The following INTS7 variants were observed in gnomAD, a reference collection of about 807,000 sequenced individuals.
INTS7 encodes the protein chromosome 1 open reading frame 73.
A neutral mutation model predicts 109.2 loss-of-function variants in INTS7; 46 were observed. The observed-to-expected ratio is 0.42, with a 90% CI of 0.33 to 0.54. The LOEUF is 0.54. INTS7 is among the 20% of genes least tolerant of loss of function. The pLI is 0.07. For synonymous variants in INTS7, 412 were observed against 402.9 expected (o/e 1.02, Z -0.27); for missense variants, 929 against 1,132.4 (o/e 0.82, Z 2.58).
chr1:211,978,223 C>T, intron 11 of INTS7, 49 bp downstream of exon 11: 1 of 1,605,816 alleles, frequency 6.2e-7, no homozygotes, highest in Non-Finnish European at 8.5e-7. Flanking sequence ...GTAATTCCCA[C>T]TAGACCAGAT....
intron 8 of INTS7, among the ~76,000 whole-genome samples, chr1:211,985,975 C>T (rs1271284342): frequency 6.6e-6 from 1 of 152,214 alleles, no homozygotes; most frequent in Admixed American, 6.5e-5. Flanking sequence ...ATAAAGAAGG[C>T]TGTGATAATT....
At chr1:211,972,029 GA>G (rs1236682527) in intron 13 of INTS7, among the ~76,000 whole-genome samples, 1 of 151,918 alleles carries the variant, frequency 6.6e-6, no homozygotes, top group African/African-American at 2.4e-5. Flanking sequence ...TTGTGGAAAG[GA>G]AACAGTATAC....
At chr1:212,014,161 G>T (rs971365267) in intron 4 of INTS7, among the ~76,000 whole-genome samples, 2 of 150,924 alleles carry the variant, frequency 1.3e-5, no homozygotes, top group Non-Finnish European at 2.9e-5. Context: ...AACTCTGAAG[G>T]TTTGATAAGA....
chr1:211,976,689 T>C lies in INTS7; in HGVS notation c.1501A>G (p.Ser501Gly). ...VSLATVIFVA[S>G]QKALSVESKA... ...CTTTCCACAGACAATGCCTTCTGAC[T>C]TGCAACAAAAATCACAGTAGCCAAA... Residue 501 changes from serine to glycine, a missense_variant, in exon 12 of 20, where the codon AGT becomes GGT. By Grantham distance (56) the Ser-to-Gly change is moderately conservative (BLOSUM62 0). Coordinates refer to ENST00000366994, the MANE Select transcript of INTS7 (RefSeq NM_015434.4). 1 of 1,614,008 alleles carries C rather than the reference T, an allele frequency of 6.2e-7. No individual in the cohort carries two copies. Among genetic ancestry groups the C allele is most frequent in the Non-Finnish European group, 8.5e-7 (1 of 1,179,924 alleles).
intron 12 of INTS7, among the ~76,000 whole-genome samples, chr1:211,976,298 C>T (rs191487080): frequency 6.6e-6 from 1 of 152,144 alleles, no homozygotes; most frequent in East Asian, 1.9e-4. Context: ...GGTAGGTGGC[C>T]TTGGTTATAA....
chr1:212,035,482 C>T lies in INTS7; in HGVS notation c.-45G>A, dbSNP rs201487314. ...CTAGCCTAGTCAGAAAGCTTGCAAA[C>T]TCTACCCCAGGACCGCCATCTTCCC... On this transcript the variant is annotated 5_prime_UTR_variant, in exon 1 of 20. Transcript: ENST00000366994. 7.1e-7 allele frequency: 1 copy of T among 1,406,222 alleles called. No homozygotes were observed. The highest frequency in any genetic ancestry group is 2.3e-5 in the East Asian group (1 of 43,886). 87.1% of individuals were successfully genotyped at this position (1,406,222 alleles called of 1,614,324 possible).
chr1:212,025,803 C>T (rs1666891581), intron 1 of INTS7: 1 of 152,076 alleles, frequency 6.6e-6, no homozygotes, highest in Admixed American at 6.6e-5. Flanking sequence ...ATTATGTCCT[C>T]ACAGGAATAA....
intron 12 of INTS7, 113 bp downstream of exon 12, chr1:211,976,467 TAA>T (rs1468394568): frequency 1.9e-5 from 18 of 930,374 alleles, no homozygotes. Flanking sequence ...AACCCATGAC[TAA>T]AAGGTACTTC....
rs764533461 is a variant in INTS7, at chr1:212,007,277, C to A, written c.729G>T (p.Ala243=). Residue 243 remains alanine (A), a synonymous_variant, in exon 6 of 20, where the codon GCG becomes GCT. Coordinates refer to ENST00000366994, the MANE Select transcript of INTS7 (RefSeq NM_015434.4). The part of the protein sequence containing the change: ...VSLHTFTLLA[A]SSLVDTPKQI... ...GCTTAGGTGTATCAACCAAAGATGA[C>A]GCTGCAAGCAGAGTGAAAGTGTGCA... 1 of 1,613,710 alleles carries A rather than the reference C, an allele frequency of 6.2e-7. No homozygotes were observed. The highest frequency in any genetic ancestry group is 1.1e-5 in the South Asian group (1 of 91,068).
At chr1:211,957,568 T>C (rs140017623) in intron 16 of INTS7, among the ~76,000 whole-genome samples, 2 of 152,158 alleles carry the variant, frequency 1.3e-5, no homozygotes, top group African/African-American at 2.4e-5. Context: ...AAAAATCGGA[T>C]TGTCGAGTTG....
intron 4 of INTS7, among the ~76,000 whole-genome samples, chr1:212,016,536 G>A (rs1320890435): frequency 2.6e-5 from 4 of 152,174 alleles, no homozygotes; most frequent in African/African-American, 9.7e-5. Context: ...AACATTAGAA[G>A]ACAGTAAGTA....
chr1:211,982,287 A>C (rs1664701084), intron 9 of INTS7, among the ~76,000 whole-genome samples: 1 of 152,180 alleles, frequency 6.6e-6, no homozygotes, highest in African/African-American at 2.4e-5. Flanking sequence ...TCTAGGTGAA[A>C]CTATTTGTTA....
chr1:212,020,811 GAC>G, intron 2 of INTS7: 1 of 848,296 alleles, frequency 1.2e-6, no homozygotes, highest in Non-Finnish European at 1.5e-6. Context: ...TCTGTACAAA[GAC>G]ACAGATTTTC....
intron 3 of INTS7, 38 bp from the exon 4 acceptor site, chr1:212,017,061 A>G (rs944395591): frequency 3.3e-6 from 5 of 1,528,630 alleles, no homozygotes; most frequent in Non-Finnish European, 3.5e-6. Flanking sequence ...TCGGGCATAA[A>G]ATAAAGTCAA....
intron 15 of INTS7, 66 bp from the exon 16 acceptor site, chr1:211,966,564 A>T: frequency 1.1e-6 from 1 of 945,338 alleles, no homozygotes; most frequent in South Asian, 1.4e-5. Flanking sequence ...CTATTACTTG[A>T]ATACTAAATT....
rs1664497105 is a variant in INTS7, at chr1:211,978,126, A to G, written c.1470+146T>C. The G allele has an allele frequency of 3.3e-6, 3 of 922,620 alleles. 1 individual carries two copies. The South Asian group carries it at 4.8e-5, about 15-fold the overall frequency. 57.2% of individuals were successfully genotyped at this position (922,620 alleles called of 1,614,324 possible). ...ATAAAGCCAATTCTATTTTGACATC[A>G]GCACACTCTTTGGTCTTAGGTAATG... On this transcript the variant is annotated intron_variant, in intron 11 of 19. Transcript: ENST00000366994.
intron 13 of INTS7, among the ~76,000 whole-genome samples, chr1:211,974,273 A>ATT: frequency 1.3e-5 from 1 of 76,676 alleles, no homozygotes; most frequent in East Asian, 4.1e-4. Flanking sequence ...CCCAGAAAAA[A>ATT]AAAATATATA....
intron 18 of INTS7, 84 bp from the exon 19 acceptor site, chr1:211,945,053 C>T (rs1218199082): frequency 5.9e-6 from 8 of 1,360,844 alleles, no homozygotes; most frequent in South Asian, 1.3e-5. Context: ...TCACTGGTTA[C>T]AGGTTAACAA....
chr1:211,991,795 C>G (rs942866177), intron 7 of INTS7, among the ~76,000 whole-genome samples: 1 of 152,108 alleles, frequency 6.6e-6, no homozygotes, highest in Non-Finnish European at 1.5e-5. Context: ...AGCAGAGAGC[C>G]ATGGACTCAA....
Sources: gnomAD v4.1 joint callset for allele counts (sites outside exome capture counted in the v4.1 genomes callset) on GRCh38, gnomAD v4.1.1 for gene constraint, MANE v1.5 for transcripts, NCBI Gene and HGNC (gene_info 2026-07-23, HGNC 2026-07-21) for gene names.